SDK2: variants seen among roughly 807,000 people sequenced by gnomAD.
SDK2 encodes the protein sidekick cell adhesion molecule 2.
In SDK2, 105 loss-of-function variants were observed where a neutral mutation model predicts 253.9. The observed-to-expected ratio is 0.41, with a 90% CI of 0.35 to 0.49. The LOEUF (loss-of-function observed/expected upper bound fraction) is 0.49. Ranked by LOEUF, SDK2 falls within the 20% of genes least tolerant of loss-of-function variation. The pLI is 0.06. For missense variants in SDK2, 2,608 were observed against 3,003.0 expected, an observed-to-expected ratio of 0.87 and a Z score of 3.07; for synonymous variants, 1,249 against 1,234.9, an observed-to-expected ratio of 1.01 and a Z score of -0.24.
In SDK2 at chr17:73,382,652, G is replaced by A. The variant is rs1420505257; in HGVS notation, c.4705+1224C>T. Among the ~76,000 whole-genome samples the A allele has an allele frequency of 2.0e-5, 3 of 152,244 alleles. No homozygotes were observed. In the East Asian group the frequency reaches 5.8e-4, roughly 29 times the overall value. ...TTAACTGTCGTAAATGCACCTAACT[G>A]TCCGCCAATGCGGAATACTAAATAA... On this transcript the variant is annotated intron_variant, in intron 33 of 44. Coordinates refer to ENST00000392650, the MANE Select transcript of SDK2 (RefSeq NM_001144952.2).
chr17:73,596,713 T>G (rs1436946808), intron 1 of SDK2, among the ~76,000 whole-genome samples: 1 of 152,044 alleles, frequency 6.6e-6, no homozygotes, highest in Non-Finnish European at 1.5e-5. Flanking sequence ...GGGTGGCTGG[T>G]TCCAGCCTCC....
At chr17:73,364,843 G>GTTCC (rs1424456560) in intron 38 of SDK2, among the ~76,000 whole-genome samples, 3 of 151,916 alleles carry the variant, frequency 2.0e-5, no homozygotes, top group Non-Finnish European at 4.4e-5. Context: ...GCTGGTCTTG[G>GTTCC]AACTCCTGAC....
intron 26 of SDK2, among the ~76,000 whole-genome samples, 168 bp from the exon 27 acceptor site, chr17:73,393,917 A>G (rs576360176): frequency 6.6e-6 from 1 of 152,330 alleles, no homozygotes; most frequent in East Asian, 1.9e-4. Context: ...ATTCTAAAAG[A>G]TAATGAAAAG....
At chr17:73,357,155 T>A (rs1435479150) in intron 40 of SDK2, among the ~76,000 whole-genome samples, 1 of 152,200 alleles carries the variant, frequency 6.6e-6, no homozygotes, top group African/African-American at 2.4e-5. Flanking sequence ...TATTAGCATG[T>A]GATTAAGGCA....
chr17:73,419,262 A>T lies in SDK2; in HGVS notation c.2090T>A (p.Val697Asp). The stretch of plus-strand genomic sequence containing the variant: ...CTGGTTGGTTCGACCGCTGGCGATG[A>T]CGTTCTGTGGAGGGGCCGTGGGGGG... ...EEPPTAPPQN[V>D]IASGRTNQSI... The change falls in exon 16 of 45, where the codon GTC (valine) becomes GAC (aspartate). Residue 697 changes from valine (V) to aspartate (D), a missense_variant. Val to Asp is a radical substitution (Grantham distance 152). Transcript: ENST00000392650. 6.2e-7 allele frequency: 1 copy of T among 1,613,058 alleles called. No homozygotes were observed. Among genetic ancestry groups the T allele is most frequent in the Non-Finnish European group, 8.5e-7 (1 of 1,179,692 alleles).
Position 73,472,242 on chromosome 17 carries a change from G to A in SDK2, c.225-24C>T. 6 of 1,528,818 alleles carry A rather than the reference G, an allele frequency of 3.9e-6. No individual in the cohort carries two copies. In the South Asian group the frequency reaches 6.0e-5, roughly 15 times the overall value. The allele number at this position is 1,528,818 out of a possible 1,614,324, so 94.7% of individuals were successfully genotyped here. On this transcript the variant is annotated intron_variant, in intron 2 of 44. Transcript: ENST00000392650. ...ATCTATGGGACAGACGAGACAGCCA[G>A]TGAGCAAGTCAGGCAGCTGCAGGGG...
intron 9 of SDK2, among the ~76,000 whole-genome samples, chr17:73,434,907 G>A (rs2063355304): frequency 6.6e-6 from 1 of 152,164 alleles, no homozygotes; most frequent in Admixed American, 6.5e-5. Context: ...TGGGATTACA[G>A]GTGTGAGCCA....
chr17:73,487,619 C>T (rs535770599), intron 2 of SDK2, among the ~76,000 whole-genome samples: 3 of 152,250 alleles, frequency 2.0e-5, no homozygotes, highest in Non-Finnish European at 4.4e-5. Context: ...CACCCCAGAC[C>T]TGCTGATCAG....
At chr17:73,530,571 A>G (rs1350284079) in intron 1 of SDK2, among the ~76,000 whole-genome samples, 1 of 152,162 alleles carries the variant, frequency 6.6e-6, no homozygotes, top group Non-Finnish European at 1.5e-5. Context: ...CCTATATACA[A>G]GGACCCTATA....
intron 1 of SDK2, among the ~76,000 whole-genome samples, chr17:73,625,519 T>C (rs1463675169): frequency 6.6e-6 from 1 of 152,236 alleles, no homozygotes. Context: ...GTTCTTGGGC[T>C]TGCGACCTGG....
rs530058565 is a variant in SDK2, at chr17:73,541,725, G to A, written c.65-34128C>T. On this transcript the variant is annotated intron_variant, in intron 1 of 44. Transcript: ENST00000392650. This position sits in a 1 kb window ranked among gnomAD's most constrained non-coding sequence, Gnocchi z 4.3. ...CACAGCGGCAGAAGGAAGGGGGCGC[G>A]GGGCGGAGTCACGCTGAGTGACAGG... Among the ~76,000 whole-genome samples the A allele has an allele frequency of 1.7e-4, 26 of 152,344 alleles. No homozygotes were observed. The highest frequency in any genetic ancestry group is 2.9e-4 in the Non-Finnish European group (20 of 68,028).
intron 1 of SDK2, among the ~76,000 whole-genome samples, chr17:73,596,958 A>T (rs1244287505): frequency 6.6e-6 from 1 of 152,102 alleles, no homozygotes; most frequent in Admixed American, 6.5e-5. Flanking sequence ...GGCCATTTCC[A>T]TTCTGGGGAC....
rs1335011830 is a variant in SDK2, at chr17:73,401,011, G to T, written c.2971+9C>A. The T allele has an allele frequency of 1.3e-6, 2 of 1,565,062 alleles. No individual in the cohort carries two copies. The highest frequency in any genetic ancestry group is 1.4e-5 in the African/African-American group (1 of 73,968). On this transcript the variant is annotated intron_variant, in intron 21 of 44. Transcript: ENST00000392650. ...CTCAAAGAGTCCTGCCTTGAGAGTGGGCACTTACCTGGGGGCACCCCAGAG... is the reference window on the plus strand; with the variant it reads ...CTCAAAGAGTCCTGCCTTGAGAGTGTGCACTTACCTGGGGGCACCCCAGAG...
rs898434713 is a variant in SDK2 at position 73,541,956 on chromosome 17, C to T, written c.65-34359G>A. ...CCAAACCTCTCTGAGCCTGCCTCTT[C>T]TGCTGATAAACAGTGTCAATGGCAT... On this transcript the variant is annotated intron_variant, in intron 1 of 44. Coordinates refer to ENST00000392650, the MANE Select transcript of SDK2 (RefSeq NM_001144952.2). This position sits in a 1 kb window ranked among gnomAD's most constrained non-coding sequence, Gnocchi z 4.3. 3.3e-5 allele frequency among the ~76,000 whole-genome samples: 5 copies of T among 152,214 alleles called. No homozygotes were observed. The highest frequency in any genetic ancestry group is 3.3e-4 in the Admixed American group (5 of 15,282).
intron 39 of SDK2, among the ~76,000 whole-genome samples, chr17:73,358,738 C>G (rs1173212377): frequency 1.3e-5 from 2 of 152,088 alleles, no homozygotes; most frequent in Non-Finnish European, 2.9e-5. Context: ...CTCCCTCATT[C>G]CTGCCTAAAA....
chr17:73,628,948 C>G (rs2046236319), intron 1 of SDK2, among the ~76,000 whole-genome samples: 1 of 152,164 alleles, frequency 6.6e-6, no homozygotes, highest in South Asian at 2.1e-4. Context: ...GCTGGAGAAG[C>G]CAGATCATGG....
chr17:73,565,299 G>A (rs1182840248), intron 1 of SDK2, among the ~76,000 whole-genome samples: 1 of 152,166 alleles, frequency 6.6e-6, no homozygotes, highest in Non-Finnish European at 1.5e-5. Flanking sequence ...ATCCCAAGCA[G>A]CCCAGCAAAG....
At position 73,570,204 on chromosome 17, in the gene SDK2, C is replaced by T. The variant is rs1413340091; in HGVS notation, c.65-62607G>A. ...CCCAGGGGCCCAGCCTTGCTACCTC[C>T]CCTCCCTGTTTACACCCCTGCCTCC... On this transcript the variant is annotated intron_variant, in intron 1 of 44. Coordinates refer to ENST00000392650, the MANE Select transcript of SDK2 (RefSeq NM_001144952.2). The surrounding 1 kb of genome is among the most constrained non-coding windows in gnomAD (Gnocchi z 4.2). Among the ~76,000 whole-genome samples, 4 of 152,152 alleles carry T rather than the reference C, an allele frequency of 2.6e-5. No individual in the cohort carries two copies. The East Asian group carries it at 7.7e-4, about 29-fold the overall frequency.
intron 33 of SDK2, among the ~76,000 whole-genome samples, chr17:73,381,187 G>C (rs2062828098): frequency 6.6e-6 from 1 of 152,202 alleles, no homozygotes; most frequent in South Asian, 2.1e-4. Context: ...GGTGTGCACT[G>C]GCCCAAGGTG....
Sources: allele counts gnomAD v4.1 joint callset (sites outside exome capture counted in the v4.1 genomes callset), GRCh38; gene constraint gnomAD v4.1.1; non-coding constraint Gnocchi (gnomAD v3.1); transcripts MANE v1.5; gene names NCBI Gene and HGNC (gene_info 2026-07-23, HGNC 2026-07-21).